Variants in PHACTR1 observed in about 807,000 individuals in gnomAD.
The protein encoded by PHACTR1 is RPEL repeat containing 1.
PHACTR1 carries 16 observed loss-of-function variants against 69.2 expected under a neutral mutation model. The observed-to-expected ratio is 0.23, with a 90% CI of 0.16 to 0.35. The LOEUF is 0.35. Among genes scored for constraint, PHACTR1 ranks in the 10% least tolerant of loss-of-function variants. PHACTR1 has a pLI of 1.00. For synonymous variants in PHACTR1, 312 were observed against 284.5 expected, an observed-to-expected ratio of 1.10 and a Z score of -0.97; for missense variants, 510 against 734.7, an observed-to-expected ratio of 0.69 and a Z score of 3.54.
intron 4 of PHACTR1, among the ~76,000 whole-genome samples, chr6:12,808,970 C>A (rs539912207): frequency 6.6e-6 from 1 of 151,970 alleles, no homozygotes; most frequent in Non-Finnish European, 1.5e-5. Context: ...CTTCACTTCC[C>A]GGGCTCAAGT....
intron 10 of PHACTR1, among the ~76,000 whole-genome samples, chr6:13,236,477 A>C (rs1037641851): frequency 6.6e-6 from 1 of 152,072 alleles, no homozygotes; most frequent in Non-Finnish European, 1.5e-5. Context: ...GTTCCTTCTG[A>C]GGGCTGCGAG....
Position 12,932,740 on chromosome 6 carries a change from A to G in PHACTR1, c.251-120625A>G, listed in dbSNP as rs573588991. On this transcript the variant is annotated intron_variant, in intron 4 of 14. Coordinates refer to ENST00000332995, the MANE Select transcript of PHACTR1 (RefSeq NM_030948.6). ...TTTGTCTGCATTATCTCATTAATCCATAGAGTAACCCTAAGAAGTAGAAGC... is the reference window on the plus strand; with the variant it reads ...TTTGTCTGCATTATCTCATTAATCCGTAGAGTAACCCTAAGAAGTAGAAGC... 1.2e-4 allele frequency among the ~76,000 whole-genome samples: 18 copies of G among 152,288 alleles called. No individual in the cohort carries two copies. In the South Asian group the frequency reaches 3.5e-3, roughly 30 times the overall value.
chr6:13,242,065 A>G (rs1031023999), intron 10 of PHACTR1, among the ~76,000 whole-genome samples: 23 of 151,876 alleles, frequency 1.5e-4, no homozygotes, highest in Non-Finnish European at 1.2e-4. Flanking sequence ...AGGAATAAGT[A>G]ATGCTAGTTG....
At chr6:13,220,880 T>C (rs1768502103) in intron 8 of PHACTR1, among the ~76,000 whole-genome samples, 1 of 152,146 alleles carries the variant, frequency 6.6e-6, no homozygotes, top group Non-Finnish European at 1.5e-5. Context: ...ACATGTGCAA[T>C]GTAGAGGTAG....
intron 4 of PHACTR1, among the ~76,000 whole-genome samples, chr6:12,965,733 G>A (rs1055573521): frequency 2.0e-5 from 3 of 152,160 alleles, no homozygotes; most frequent in Non-Finnish European, 2.9e-5. Flanking sequence ...TGAAGAAAAC[G>A]TGCTCACGGA....
intron 4 of PHACTR1, among the ~76,000 whole-genome samples, chr6:13,008,457 C>T (rs180917371): frequency 6.6e-6 from 1 of 152,332 alleles, no homozygotes; most frequent in African/African-American, 2.4e-5. Flanking sequence ...TTTCACTAGC[C>T]ATTCACAGCA....
chr6:13,149,041 G>T (rs1823879574), intron 5 of PHACTR1, among the ~76,000 whole-genome samples: 1 of 152,176 alleles, frequency 6.6e-6, no homozygotes. Flanking sequence ...GTTTTCGGTT[G>T]TGTTTGTTTC....
At chr6:12,837,313 T>C (rs1398864632) in intron 4 of PHACTR1, among the ~76,000 whole-genome samples, 1 of 152,212 alleles carries the variant, frequency 6.6e-6, no homozygotes, top group African/African-American at 2.4e-5. Flanking sequence ...ATATAAATTA[T>C]ATACTTTTAA....
chr6:13,085,039 A>G (rs1213889856), intron 5 of PHACTR1, among the ~76,000 whole-genome samples: 1 of 152,152 alleles, frequency 6.6e-6, no homozygotes, highest in African/African-American at 2.4e-5. Flanking sequence ...TAAGTATTCA[A>G]TATATACCAA....
chr6:13,221,363 T>C (rs1768589130), intron 8 of PHACTR1, among the ~76,000 whole-genome samples: 1 of 134,274 alleles, frequency 7.4e-6, no homozygotes, highest in Admixed American at 8.6e-5. Context: ...AGGCCTTTCC[T>C]GGCTCTTTTG....
chr6:12,756,525 A>G (rs997458334), intron 4 of PHACTR1, among the ~76,000 whole-genome samples: 2 of 152,214 alleles, frequency 1.3e-5, no homozygotes, highest in Non-Finnish European at 2.9e-5. Context: ...ACAGATTAGC[A>G]TGACTTTCTA....
intron 4 of PHACTR1, among the ~76,000 whole-genome samples, chr6:12,877,785 A>G (rs958265141): frequency 8.5e-5 from 13 of 152,112 alleles, no homozygotes; most frequent in African/African-American, 3.1e-4. Context: ...CTTCCTTCCA[A>G]CATAAGTTCT....
In PHACTR1 at chr6:13,262,635, T is replaced by C. The variant is rs913825373; in HGVS notation, c.1392-10225T>C. On this transcript the variant is annotated intron_variant, in intron 10 of 14. Coordinates refer to ENST00000332995, the MANE Select transcript of PHACTR1 (RefSeq NM_030948.6). ...AATGCCCCAATCCTCATGGAACTCA[T>C]AGGTTCTCAGGAGGAAGTTTCCAAA... Among the ~76,000 whole-genome samples, 9 of 152,154 alleles carry C rather than the reference T, an allele frequency of 5.9e-5. No homozygotes were observed. In the South Asian group the frequency reaches 6.2e-4, roughly 11 times the overall value.
chr6:13,103,482 T>C (rs1815522608), intron 5 of PHACTR1, among the ~76,000 whole-genome samples: 1 of 152,238 alleles, frequency 6.6e-6, no homozygotes, highest in Non-Finnish European at 1.5e-5. Flanking sequence ...ATGTTAAAAT[T>C]TTCAGGACTA....
At chr6:12,815,920 C>T (rs934348393) in intron 4 of PHACTR1, among the ~76,000 whole-genome samples, 9 of 152,258 alleles carry the variant, frequency 5.9e-5, no homozygotes, top group African/African-American at 9.6e-5. Flanking sequence ...GTTTATGCTC[C>T]GTTTCCAAGT....
chr6:13,217,885 A>G (rs1407902887), intron 8 of PHACTR1, among the ~76,000 whole-genome samples: 1 of 152,258 alleles, frequency 6.6e-6, no homozygotes, highest in East Asian at 1.9e-4. Context: ...AATTTGCAGC[A>G]TAATTTCTCA....
intron 4 of PHACTR1, among the ~76,000 whole-genome samples, chr6:12,948,337 G>A (rs1385513154): frequency 6.6e-6 from 1 of 152,176 alleles, no homozygotes; most frequent in Non-Finnish European, 1.5e-5. Flanking sequence ...AAATGTCTCA[G>A]TGGAAGGAAA....
chr6:12,912,141 G>A (rs941763197), intron 4 of PHACTR1, among the ~76,000 whole-genome samples: 1 of 152,156 alleles, frequency 6.6e-6, no homozygotes, highest in Non-Finnish European at 1.5e-5. Context: ...GGAATTACAG[G>A]CATGCACCAC....
chr6:12,982,557 C>T (rs6920970), intron 4 of PHACTR1, among the ~76,000 whole-genome samples: 75,648 of 151,992 alleles, frequency 0.5, 21,350 homozygotes, highest in African/African-American at 0.77. Flanking sequence ...CAAGCCCCTG[C>T]AATCCCAGCT....
Sources: gnomAD v4.1 joint callset for allele counts (sites outside exome capture counted in the v4.1 genomes callset) on GRCh38, gnomAD v4.1.1 for gene constraint, MANE v1.5 for transcripts, NCBI Gene and HGNC (gene_info 2026-07-23, HGNC 2026-07-21) for gene names.